The following KCNU1 variants were observed in gnomAD, a reference collection of about 807,000 sequenced individuals.
KCNU1 encodes potassium channel subfamily U member 1.
A neutral mutation model predicts 126.8 loss-of-function variants in KCNU1; 93 were observed. That is an observed-to-expected ratio of 0.73 (90% CI 0.62 to 0.87). The LOEUF (loss-of-function observed/expected upper bound fraction) is 0.87. Ranked by LOEUF, KCNU1 falls within the 40% of genes least tolerant of loss-of-function variation. The pLI is 0.00. For synonymous variants in KCNU1, 523 were observed against 494.2 expected (o/e 1.06, Z -0.77); for missense variants, 1,330 against 1,367.1 (o/e 0.97, Z 0.43).
intron 18 of KCNU1, among the ~76,000 whole-genome samples, chr8:36,847,446 C>T (rs1362813590): frequency 6.6e-6 from 1 of 152,102 alleles, no homozygotes; most frequent in Non-Finnish European, 1.5e-5. Context: ...AGAAATTATT[C>T]CTCCTGTCCA....
chr8:36,827,521 G>T (rs1371695064), intron 10 of KCNU1, among the ~76,000 whole-genome samples: 1 of 152,084 alleles, frequency 6.6e-6, no homozygotes, highest in Non-Finnish European at 1.5e-5. Flanking sequence ...TCAGGTTTTG[G>T]CCTGATAACT....
At chr8:36,797,817 T>G (rs1477941983) in intron 2 of KCNU1, among the ~76,000 whole-genome samples, 1 of 152,180 alleles carries the variant, frequency 6.6e-6, no homozygotes, top group Non-Finnish European at 1.5e-5. Flanking sequence ...TAAAAGCTGC[T>G]CCAGTGTTTT....
At chr8:36,934,237 G>T (rs970181072) in intron 26 of KCNU1, among the ~76,000 whole-genome samples, 1 of 152,032 alleles carries the variant, frequency 6.6e-6, no homozygotes, top group Non-Finnish European at 1.5e-5. Flanking sequence ...ATAGCAATAC[G>T]TCTGAATGCT....
intron 22 of KCNU1, among the ~76,000 whole-genome samples, chr8:36,913,656 C>T (rs1017228870): frequency 1.0e-4 from 15 of 146,272 alleles, no homozygotes; most frequent in East Asian, 6.1e-4. Flanking sequence ...GGCTGGAGTG[C>T]GGTGGTGCGA....
intron 2 of KCNU1, among the ~76,000 whole-genome samples, chr8:36,794,729 C>T (rs769269637): frequency 3.9e-5 from 6 of 151,906 alleles, no homozygotes; most frequent in Non-Finnish European, 7.4e-5. Flanking sequence ...TTGAGACCAG[C>T]CTGGCAACAT....
intron 18 of KCNU1, among the ~76,000 whole-genome samples, chr8:36,846,788 GA>G (rs373337302): frequency 0.039 from 4,327 of 110,200 alleles, 71 homozygotes; most frequent in Non-Finnish European, 0.053. Flanking sequence ...GCGACAGAGC[GA>G]AAAAAAAAAA....
rs866382561 is a variant in KCNU1, at chr8:36,835,406, G to A, written c.1295+538G>A. Reference sequence around the variant, plus strand: ...GTTGCCTGTGCTGGAGGGCAGTGGCGTGATCTAGGCTCACTGCAACTTCCA... The same window carrying A: ...GTTGCCTGTGCTGGAGGGCAGTGGCATGATCTAGGCTCACTGCAACTTCCA... On this transcript the variant is annotated intron_variant, in intron 12 of 26. Coordinates refer to ENST00000399881, the MANE Select transcript of KCNU1 (RefSeq NM_001031836.3). 7.9e-5 allele frequency among the ~76,000 whole-genome samples: 12 copies of A among 151,526 alleles called. 1 individual carries two copies. The Middle Eastern group carries it at 0.014, about 172-fold the overall frequency.
chr8:36,846,851 A>T (rs923947916), intron 18 of KCNU1, among the ~76,000 whole-genome samples: 9 of 151,160 alleles, frequency 6.0e-5, no homozygotes, highest in Non-Finnish European at 1.5e-5. Context: ...GTAAAACCCC[A>T]GTGTTTCAGA....
intron 1 of KCNU1, among the ~76,000 whole-genome samples, chr8:36,786,647 C>G (rs1359315489): frequency 6.6e-6 from 1 of 152,172 alleles, no homozygotes; most frequent in Admixed American, 6.5e-5. Context: ...AGGCCCCAGC[C>G]TTTCCTCATT....
rs561189412 is a variant in KCNU1 at position 36,801,433 on chromosome 8, T to C, written c.316-2594T>C. Among the ~76,000 whole-genome samples, 411 of 87,528 alleles carry C rather than the reference T, an allele frequency of 4.7e-3. 1 individual carries two copies. The highest frequency in any genetic ancestry group is 4.3e-3 in the Non-Finnish European group (206 of 47,392). The allele number at this position is 87,528 out of a possible 152,430, so 57.4% of individuals were successfully genotyped here. A position where few individuals can be genotyped will look rare whatever the true frequency, so the allele number is the denominator to read the frequency against. On this transcript the variant is annotated intron_variant, in intron 2 of 26. Coordinates refer to ENST00000399881, the MANE Select transcript of KCNU1 (RefSeq NM_001031836.3). ...GGTATTCAATTCTTTGTTTCTATCT[T>C]TTTTTTTTCTTTTTAAATGTACTTA... is the stretch of plus-strand genomic sequence containing the variant.
intron 13 of KCNU1, 33 bp downstream of exon 13, chr8:36,836,398 C>T (rs1804750718): frequency 4.3e-6 from 6 of 1,389,510 alleles, no homozygotes; most frequent in South Asian, 3.5e-5. Context: ...TCCATCTCCT[C>T]CTTTTATCTA....
Position 36,919,580 on chromosome 8 carries a change from G to A in KCNU1, c.2596+683G>A, listed in dbSNP as rs1808264406. On this transcript the variant is annotated intron_variant, in intron 23 of 26. Transcript: ENST00000399881. ...AAGGGTGCCCAAGTGCCTTTGGTGGGGTGCATTGCTGGGGCACCAGGGGAC... is the reference window on the plus strand; with the variant it reads ...AAGGGTGCCCAAGTGCCTTTGGTGGAGTGCATTGCTGGGGCACCAGGGGAC... Among the ~76,000 whole-genome samples, 4 of 152,210 alleles carry A rather than the reference G, an allele frequency of 2.6e-5. No individual in the cohort carries two copies. The South Asian group carries it at 8.3e-4, about 32-fold the overall frequency.
Position 36,836,849 on chromosome 8 carries a change from C to T in KCNU1, c.1422C>T (p.Cys474=). The change falls in exon 14 of 27, where the codon TGC becomes TGT. Residue 474 remains cysteine (C), a synonymous_variant. Coordinates refer to ENST00000399881, the MANE Select transcript of KCNU1 (RefSeq NM_001031836.3). Reference sequence around the variant, plus strand: ...GGGACACCGGAGACAACATCATCTGCTTTGCTGAATTAAAACTTGGATTTA... The same window carrying T: ...GGGACACCGGAGACAACATCATCTGTTTTGCTGAATTAAAACTTGGATTTA... ...WNWDTGDNII[C]FAELKLGFIA... The T allele has an allele frequency of 6.2e-7, 1 of 1,613,772 alleles. No individual in the cohort carries two copies. The highest frequency in any genetic ancestry group is 8.5e-7 in the Non-Finnish European group (1 of 1,179,728).
chr8:36,928,928 TAC>T (rs1808613288), intron 24 of KCNU1: 2 of 666,122 alleles, frequency 3.0e-6, no homozygotes, highest in East Asian at 5.6e-5. Flanking sequence ...CCCAGAAATC[TAC>T]ACTCATTAAT....
At chr8:36,916,194 G>T (rs960908644) in intron 22 of KCNU1, among the ~76,000 whole-genome samples, 2 of 147,788 alleles carry the variant, frequency 1.4e-5, no homozygotes, top group Non-Finnish European at 3.0e-5. Context: ...AGGAAGGAAG[G>T]AAGGAAAGGG....
chr8:36,845,621 A>C lies in KCNU1; in HGVS notation c.1745A>C (p.Lys582Thr). 6.2e-7 allele frequency: 1 copy of C among 1,611,418 alleles called. No individual in the cohort carries two copies. Among genetic ancestry groups the C allele is most frequent in the Non-Finnish European group, 8.5e-7 (1 of 1,177,620 alleles). Residue 582 changes from lysine (K) to threonine (T), a missense_variant, in exon 17 of 27, where the codon AAG becomes ACG. By Grantham distance (78) the Lys-to-Thr change is moderately conservative (BLOSUM62 -1). Coordinates refer to ENST00000399881, the MANE Select transcript of KCNU1 (RefSeq NM_001031836.3). ...CCACCTCCACAAGTGAGGATACGTA[A>C]GAACACATTAGGGTTCTTTATTGCT... ...LNPPPQVRIR[K>T]NTLGFFIAET...
intron 18 of KCNU1, among the ~76,000 whole-genome samples, chr8:36,852,769 T>C (rs1000079206): frequency 1.3e-5 from 2 of 152,134 alleles, no homozygotes; most frequent in African/African-American, 4.8e-5. Context: ...AGTACTAATC[T>C]GTCTTTCATT....
chr8:36,862,234 G>T (rs1202292147), intron 18 of KCNU1, among the ~76,000 whole-genome samples: 1 of 152,088 alleles, frequency 6.6e-6, no homozygotes, highest in African/African-American at 2.4e-5. Context: ...TAAATAAAAT[G>T]ATCAAACAGA....
At chr8:36,867,909 A>G (rs769164369) in intron 19 of KCNU1, among the ~76,000 whole-genome samples, 4 of 152,158 alleles carry the variant, frequency 2.6e-5, no homozygotes, top group Non-Finnish European at 5.9e-5. Flanking sequence ...GGGGATCCCT[A>G]AATATGCTTT....
Sources: gnomAD v4.1 joint callset for allele counts (sites outside exome capture counted in the v4.1 genomes callset) on GRCh38, gnomAD v4.1.1 for gene constraint, MANE v1.5 for transcripts, NCBI Gene and HGNC (gene_info 2026-07-23, HGNC 2026-07-21) for gene names.